The following OPRM1 variants were observed in gnomAD, a reference collection of about 807,000 sequenced individuals.
OPRM1 encodes the protein opioid receptor mu 1, also known as mu-type opioid receptor.
OPRM1 carries 27 observed loss-of-function variants against 31.8 expected under a neutral mutation model. The ratio of observed to expected loss-of-function variants is 0.85; its 90% CI spans 0.63 to 1.17. The LOEUF (loss-of-function observed/expected upper bound fraction) is 1.17, where lower values mean the gene tolerates loss of function less well. Among genes scored for constraint, OPRM1 ranks in the 50% most tolerant of loss-of-function variants. The probability of loss-of-function intolerance (pLI) is 0.00; values close to 1 mark genes in which losing one functional copy is unlikely to be tolerated. For missense variants in OPRM1, 536 were observed against 511.1 expected, an observed-to-expected ratio of 1.05 and a Z score of -0.47; for synonymous variants, 196 against 189.9, an observed-to-expected ratio of 1.03 and a Z score of -0.26.
chr6:154,031,595 G>C (rs1779009015), intron 1 of OPRM1, among the ~76,000 whole-genome samples: 1 of 151,564 alleles, frequency 6.6e-6, no homozygotes, highest in African/African-American at 2.4e-5. Context: ...AAAAAAATTA[G>C]CTGGGCATAG....
rs34462600 is a variant in OPRM1 at position 154,229,346 on chromosome 6, G to GTT, written c.1165-17327_1165-17326dup. 1.2e-3 allele frequency among the ~76,000 whole-genome samples: 130 copies of GTT among 112,624 alleles called. 2 individuals carry two copies. The highest frequency in any genetic ancestry group is 4.9e-3 in the Middle Eastern group (1 of 206). The allele number at this position is 112,624 out of a possible 152,430, so 73.9% of individuals were successfully genotyped here. On this transcript the variant is annotated intron_variant, in intron 3 of 3. Transcript: ENST00000337049. ...GAAGGCAGTGTGGAAAAGTTTGCCG[G>GTT]TTTTTTTTTTTTTTTTTTTTTGAGA...
intron 1 of OPRM1, among the ~76,000 whole-genome samples, chr6:154,081,367 G>A (rs1033358125): frequency 1.1e-4 from 16 of 152,290 alleles, no homozygotes; most frequent in East Asian, 3.9e-4. Flanking sequence ...GTAGCCAGGC[G>A]TGGTGGCGGG....
At chr6:154,154,270 T>C (rs1798624740) in intron 3 of OPRM1, among the ~76,000 whole-genome samples, 1 of 152,238 alleles carries the variant, frequency 6.6e-6, no homozygotes, top group Admixed American at 6.5e-5. Flanking sequence ...AAATATCTCA[T>C]ATGTTTTAAG....
intron 3 of OPRM1, among the ~76,000 whole-genome samples, chr6:154,113,075 C>G (rs564283436): frequency 6.6e-6 from 1 of 152,320 alleles, no homozygotes; most frequent in Admixed American, 6.5e-5. Flanking sequence ...AGTTGGCTAC[C>G]ATACAAATTC....
At chr6:154,179,356 T>G (rs1239498466) in intron 3 of OPRM1, among the ~76,000 whole-genome samples, 3 of 152,204 alleles carry the variant, frequency 2.0e-5, no homozygotes, top group African/African-American at 7.2e-5. Flanking sequence ...TTTTATATAT[T>G]TTTCTAAATT....
intron 1 of OPRM1, among the ~76,000 whole-genome samples, chr6:154,043,701 CTAAT>C (rs1381626244): frequency 6.6e-6 from 1 of 151,768 alleles, no homozygotes; most frequent in East Asian, 1.9e-4. Flanking sequence ...ACAAAATATC[CTAAT>C]TAGAGGATGG....
At chr6:154,138,396 C>A (rs1472863312) in intron 3 of OPRM1, among the ~76,000 whole-genome samples, 2 of 152,210 alleles carry the variant, frequency 1.3e-5, no homozygotes, top group Non-Finnish European at 2.9e-5. Context: ...CTGGAACCTG[C>A]TGCAGATGAA....
intron 3 of OPRM1, among the ~76,000 whole-genome samples, chr6:154,178,764 T>C (rs1462282861): frequency 6.6e-6 from 1 of 152,158 alleles, no homozygotes; most frequent in African/African-American, 2.4e-5. Context: ...GGATTAAAGC[T>C]GTTCAGAAAA....
intron 3 of OPRM1, among the ~76,000 whole-genome samples, chr6:154,188,174 G>T (rs1801549523): frequency 6.6e-6 from 1 of 152,120 alleles, no homozygotes; most frequent in Non-Finnish European, 1.5e-5. Context: ...TCTTAAAAAT[G>T]CATTTTAAAA....
intron 3 of OPRM1, among the ~76,000 whole-genome samples, chr6:154,244,180 C>T (rs1780828623): frequency 6.6e-6 from 1 of 152,090 alleles, no homozygotes; most frequent in Non-Finnish European, 1.5e-5. Flanking sequence ...ATGCTTGGGT[C>T]TTATTTCACA....
intron 1 of OPRM1, among the ~76,000 whole-genome samples, chr6:154,049,502 G>T (rs376784424): frequency 2.0e-5 from 3 of 152,088 alleles, no homozygotes; most frequent in East Asian, 3.8e-4. Context: ...GTATTATTTT[G>T]CGGGTAAATA....
downstream of OPRM1, among the ~76,000 whole-genome samples, chr6:154,136,328 ATATT>A (rs757568949): frequency 6.6e-6 from 1 of 152,182 alleles, no homozygotes; most frequent in Non-Finnish European, 1.5e-5. Context: ...CCAAGGCTAA[ATATT>A]TAATACGAAG....
At chr6:154,246,224 G>C (rs965137355) in intron 3 of OPRM1, among the ~76,000 whole-genome samples, 3 of 152,182 alleles carry the variant, frequency 2.0e-5, no homozygotes, top group African/African-American at 7.2e-5. Flanking sequence ...TTTTAGTAGA[G>C]AGACCTTAAC....
chr6:154,019,747 C>CTTTTCTTTTTTTTTTTTTTTTTTTTTTTT (rs61209522), intron 1 of OPRM1, among the ~76,000 whole-genome samples: 2 of 122,016 alleles, frequency 1.6e-5, no homozygotes, highest in African/African-American at 6.8e-5. Flanking sequence ...CTTTTCTTTT[C>CTTTTCTTTTTTTTTTTTTTTTTTTTTTTT]TTTTTTTTTT....
chr6:154,114,394 A>G (rs1269717101), intron 3 of OPRM1, among the ~76,000 whole-genome samples: 1 of 152,160 alleles, frequency 6.6e-6, no homozygotes, highest in Non-Finnish European at 1.5e-5. Flanking sequence ...AGGCCTTTCA[A>G]TAGAATATCA....
At chr6:154,214,207 A>G (rs781470046) in intron 3 of OPRM1, 4 of 1,575,808 alleles carry the variant, frequency 2.5e-6, no homozygotes, top group Admixed American at 1.7e-5. Flanking sequence ...GAAATTTAAA[A>G]TAGAACATAC....
chr6:154,108,134 T>C (rs1795884348), intron 3 of OPRM1: 3 of 577,706 alleles, frequency 5.2e-6, no homozygotes. Flanking sequence ...CACCATCGCC[T>C]ACGGGCCAAG....
intron 3 of OPRM1, among the ~76,000 whole-genome samples, chr6:154,152,315 G>A (rs1408314232): frequency 1.8e-5 from 1 of 57,018 alleles, no homozygotes; most frequent in South Asian, 5.0e-4. Context: ...AAGAAAGAAA[G>A]AAAGAAAGAA....
intron 1 of OPRM1, among the ~76,000 whole-genome samples, chr6:154,045,251 A>G (rs1780897463): frequency 1.3e-5 from 2 of 152,256 alleles, no homozygotes; most frequent in South Asian, 4.2e-4. Context: ...TTAAAAAAAA[A>G]AGTACTAGGG....
Sources: allele counts gnomAD v4.1 joint callset (sites outside exome capture counted in the v4.1 genomes callset), GRCh38; gene constraint gnomAD v4.1.1; transcripts MANE v1.5; gene names NCBI Gene and HGNC (gene_info 2026-07-23, HGNC 2026-07-21).